Variants in CNTNAP5 observed in about 807,000 individuals in gnomAD.
The protein encoded by CNTNAP5 is contactin-associated protein-like 5.
Under a neutral mutation model 150.2 loss-of-function variants are expected in CNTNAP5, and 72 were observed. The observed-to-expected ratio is 0.48, with a 90% confidence interval of 0.40 to 0.58. The LOEUF is 0.58. Ranked by LOEUF, CNTNAP5 falls within the 20% of genes least tolerant of loss-of-function variation. The pLI, the probability that CNTNAP5 is intolerant of heterozygous loss-of-function variation, is 0.00. For synonymous variants in CNTNAP5, 672 were observed against 619.8 expected (o/e 1.08, Z -1.25); for missense variants, 1,636 against 1,626.2 (o/e 1.01, Z -0.10).
At chr2:124,340,491 C>T (rs1053112248) in intron 3 of CNTNAP5, among the ~76,000 whole-genome samples, 1 of 151,856 alleles carries the variant, frequency 6.6e-6, no homozygotes, top group African/African-American at 2.4e-5. Context: ...AATAATATAC[C>T]ATACTCTGAA....
intron 19 of CNTNAP5, among the ~76,000 whole-genome samples, chr2:124,830,645 T>C (rs947216236): frequency 6.6e-6 from 1 of 152,000 alleles, no homozygotes; most frequent in Non-Finnish European, 1.5e-5. Flanking sequence ...CCTGGTTACA[T>C]TGAACAATTC....
At chr2:124,467,206 T>A (rs2104826650) in intron 6 of CNTNAP5, among the ~76,000 whole-genome samples, 1 of 152,320 alleles carries the variant, frequency 6.6e-6, no homozygotes, top group African/African-American at 2.4e-5. Flanking sequence ...CTTATGTGAG[T>A]ACCTGTGTTG....
chr2:124,896,249 A>G (rs1166416084), intron 21 of CNTNAP5, among the ~76,000 whole-genome samples: 2 of 151,556 alleles, frequency 1.3e-5, no homozygotes, highest in East Asian at 3.9e-4. Context: ...ATCAAGGTCA[A>G]GAATGAAGAA....
intron 12 of CNTNAP5, among the ~76,000 whole-genome samples, chr2:124,647,401 C>A (rs202165472): frequency 6.6e-6 from 1 of 151,874 alleles, no homozygotes; most frequent in African/African-American, 2.4e-5. Context: ...CACTTATTAA[C>A]TGTGGGATAT....
At chr2:124,896,418 T>A (rs1205624044) in intron 21 of CNTNAP5, among the ~76,000 whole-genome samples, 1 of 151,520 alleles carries the variant, frequency 6.6e-6, no homozygotes, top group African/African-American at 2.4e-5. Context: ...TTCTGGTTGA[T>A]GTGAATGAAG....
intron 12 of CNTNAP5, among the ~76,000 whole-genome samples, chr2:124,617,568 A>G (rs7609158): frequency 0.082 from 12,424 of 152,034 alleles, 668 homozygotes; most frequent in African/African-American, 0.15. Flanking sequence ...TTACAAGGAT[A>G]CCCTTCATAC....
chr2:124,586,743 A>G (rs530021350), intron 11 of CNTNAP5, among the ~76,000 whole-genome samples: 3 of 152,300 alleles, frequency 2.0e-5, no homozygotes, highest in African/African-American at 7.2e-5. Context: ...GAAAGTTGCA[A>G]TTGGGTGGAT....
chr2:124,275,526 A>T (rs1280331189), intron 3 of CNTNAP5, among the ~76,000 whole-genome samples: 1 of 151,998 alleles, frequency 6.6e-6, no homozygotes, highest in Non-Finnish European at 1.5e-5. Context: ...CTGACACATT[A>T]CCTCATTATC....
chr2:124,180,616 A>C (rs1685185725), intron 1 of CNTNAP5, among the ~76,000 whole-genome samples: 2 of 152,188 alleles, frequency 1.3e-5, no homozygotes, highest in South Asian at 2.1e-4. Context: ...ATTGCATATA[A>C]ATTCAAGATG....
chr2:124,772,801 C>G lies in CNTNAP5; in HGVS notation c.2536C>G (p.Pro846Ala), dbSNP rs1681232232. Residue 846 changes from proline (P) to alanine (A), a missense_variant and splice_region_variant, in exon 17 of 24, where the codon CCT becomes GCT. Transcript: ENST00000682447. ...CCTGTTTTCCTTTCCGGTTTCAGCT[C>G]CTTCAGAGATCACCTTTGCCATCGA... The part of the protein sequence containing the change: ...KDFIRLEISS[P>A]SEITFAIDVG... The G allele has an allele frequency of 6.2e-7, 1 of 1,613,418 alleles. No homozygotes were observed. The highest frequency in any genetic ancestry group is 1.3e-5 in the African/African-American group (1 of 75,014).
At chr2:124,407,400 AG>A (rs2104764705) in intron 3 of CNTNAP5, among the ~76,000 whole-genome samples, 1 of 152,262 alleles carries the variant, frequency 6.6e-6, no homozygotes, top group South Asian at 2.1e-4. Flanking sequence ...GTCAGGGGAA[AG>A]CTTCCTCTCT....
At chr2:124,151,961 T>C (rs1415069262) in intron 1 of CNTNAP5, among the ~76,000 whole-genome samples, 2 of 152,204 alleles carry the variant, frequency 1.3e-5, no homozygotes, top group Non-Finnish European at 2.9e-5. Context: ...GCTGAGAGGA[T>C]AAGTGAGAAT....
chr2:124,868,957 C>G (rs900946572), intron 20 of CNTNAP5, among the ~76,000 whole-genome samples: 3 of 152,008 alleles, frequency 2.0e-5, no homozygotes, highest in African/African-American at 4.8e-5. Flanking sequence ...ATGGGGAGGG[C>G]TCCCTAGGAA....
At chr2:124,315,067 A>C (rs1688930622) in intron 3 of CNTNAP5, among the ~76,000 whole-genome samples, 1 of 151,932 alleles carries the variant, frequency 6.6e-6, no homozygotes, top group South Asian at 2.1e-4. Context: ...GCACCCTTGA[A>C]GTCCTGGGCT....
At chr2:124,467,704 A>G (rs1447367352) in intron 6 of CNTNAP5, among the ~76,000 whole-genome samples, 1 of 152,134 alleles carries the variant, frequency 6.6e-6, no homozygotes, top group Admixed American at 6.6e-5. Context: ...GACTAAATCT[A>G]TAGTTCAATA....
At chr2:124,377,402 A>G (rs1410411146) in intron 3 of CNTNAP5, among the ~76,000 whole-genome samples, 1 of 152,148 alleles carries the variant, frequency 6.6e-6, no homozygotes, top group East Asian at 1.9e-4. Context: ...AGGAGCTACC[A>G]GTAATTTCTG....
chr2:124,727,729 A>G (rs953996595), intron 13 of CNTNAP5, among the ~76,000 whole-genome samples: 2 of 152,150 alleles, frequency 1.3e-5, no homozygotes, highest in African/African-American at 4.8e-5. Flanking sequence ...AGGGTTTTCT[A>G]TGTATAAGAT....
chr2:124,778,793 TC>T (rs1681381593), intron 17 of CNTNAP5, among the ~76,000 whole-genome samples: 1 of 151,776 alleles, frequency 6.6e-6, no homozygotes, highest in Non-Finnish European at 1.5e-5. Flanking sequence ...TAATGTAGTG[TC>T]CGACTCACAT....
chr2:124,721,500 A>AATAAATAAATAAATAAATAAATAC (rs1553435284), intron 13 of CNTNAP5, among the ~76,000 whole-genome samples: 94 of 148,170 alleles, frequency 6.3e-4, no homozygotes, highest in Middle Eastern at 3.4e-3. Context: ...TAAATAAATA[A>AATAAATAAATAAATAAATAAATAC]ATAAATAAAT....
Sources: gnomAD v4.1 joint callset for allele counts (sites outside exome capture counted in the v4.1 genomes callset) on GRCh38, gnomAD v4.1.1 for gene constraint, MANE v1.5 for transcripts, NCBI Gene and HGNC (gene_info 2026-07-23, HGNC 2026-07-21) for gene names.